GRID1: variants seen among roughly 807,000 people sequenced by gnomAD.
GRID1 encodes glutamate ionotropic receptor delta type subunit 1.
In GRID1, 28 loss-of-function variants were observed where a neutral mutation model predicts 98.0. That is an observed-to-expected ratio of 0.29 (90% confidence interval 0.21 to 0.39). The LOEUF is 0.39. Ranked by LOEUF, GRID1 falls within the 10% of genes least tolerant of loss-of-function variation. The pLI is 1.00. For missense variants in GRID1, 1,111 were observed against 1,340.5 expected (o/e 0.83, Z 2.67); for synonymous variants, 553 against 538.5 (o/e 1.03, Z -0.37).
At chr10:86,125,168 A>G (rs564289387) in intron 4 of GRID1, among the ~76,000 whole-genome samples, 93 of 152,352 alleles carry the variant, frequency 6.1e-4, no homozygotes, top group South Asian at 6.0e-3. Context: ...AGTCGAACAT[A>G]AAAGCACCAT....
chr10:85,672,083 C>T (rs75234747), intron 12 of GRID1, among the ~76,000 whole-genome samples: 5,612 of 152,312 alleles, frequency 0.037, 134 homozygotes, highest in Middle Eastern at 0.048. Context: ...AGCAGCAAGT[C>T]ATCCAGAAGA....
At chr10:85,975,840 T>G (rs1172788083) in intron 4 of GRID1, among the ~76,000 whole-genome samples, 1 of 152,168 alleles carries the variant, frequency 6.6e-6, no homozygotes, top group African/African-American at 2.4e-5. Context: ...AAAAGGACAA[T>G]AGTGGTTTCT....
chr10:85,927,494 G>T (rs941041950), intron 4 of GRID1, among the ~76,000 whole-genome samples: 4 of 141,774 alleles, frequency 2.8e-5, no homozygotes, highest in African/African-American at 1.1e-4. Flanking sequence ...GGTCTTAGAA[G>T]ATGTAAAGTT....
At chr10:86,048,224 C>T (rs548918904) in intron 4 of GRID1, among the ~76,000 whole-genome samples, 4 of 152,256 alleles carry the variant, frequency 2.6e-5, no homozygotes, top group Middle Eastern at 3.4e-3. Flanking sequence ...GCATACGAAG[C>T]AGAGTACCAT....
rs370189299 is a variant in GRID1 at position 85,731,911 on chromosome 10, GAGAA to G, written c.1234-2301_1234-2298del. 6.3e-3 allele frequency among the ~76,000 whole-genome samples: 770 copies of G among 122,308 alleles called. 8 individuals carry two copies. Among genetic ancestry groups the G allele is most frequent in the African/African-American group, 0.025 (642 of 25,510 alleles). The allele number at this position is 122,308 out of a possible 152,430, so 80.2% of individuals were successfully genotyped here. On this transcript the variant is annotated intron_variant, in intron 8 of 15. Coordinates refer to ENST00000327946, the MANE Select transcript of GRID1 (RefSeq NM_017551.3). ...AGGTAGGGAGGGAGGGAGAAAGAAA[GAGAA>G]AGAAAGAAAGAGAGAGAGAGAAGGG...
intron 8 of GRID1, among the ~76,000 whole-genome samples, chr10:85,790,945 A>G (rs1175794341): frequency 1.3e-5 from 2 of 152,140 alleles, no homozygotes; most frequent in African/African-American, 2.4e-5. Context: ...ATTTGGTTCT[A>G]GCCTTCCTGA....
chr10:85,946,001 AAT>A lies in GRID1; in HGVS notation c.727-29764_727-29763del, dbSNP rs113627708. Among the ~76,000 whole-genome samples the A allele has an allele frequency of 2.7e-3, 408 of 152,334 alleles. 2 individuals carry two copies. The highest frequency in any genetic ancestry group is 9.5e-3 in the African/African-American group (395 of 41,582). ...GTTAAAACATTGAAGGGACAGATAA[AAT>A]ATGTTTAATTTTTAGAAGAGTATCT... On this transcript the variant is annotated intron_variant, in intron 4 of 15. Coordinates refer to ENST00000327946, the MANE Select transcript of GRID1 (RefSeq NM_017551.3).
At chr10:85,863,381 C>CGT (rs1174085786) in intron 6 of GRID1, among the ~76,000 whole-genome samples, 1 of 152,196 alleles carries the variant, frequency 6.6e-6, no homozygotes, top group African/African-American at 2.4e-5. Context: ...GTCCCACCTC[C>CGT]TAATACTGTC....
At chr10:85,722,588 C>T (rs17105793) in intron 12 of GRID1, among the ~76,000 whole-genome samples, 9,075 of 151,816 alleles carry the variant, frequency 0.06, 512 homozygotes, top group African/African-American at 0.15. Flanking sequence ...CTTATTGTGG[C>T]AATTGGCATT....
At chr10:86,281,256 G>A (rs1445671221) in intron 2 of GRID1, among the ~76,000 whole-genome samples, 1 of 152,224 alleles carries the variant, frequency 6.6e-6, no homozygotes, top group Non-Finnish European at 1.5e-5. Context: ...AAATGGTGTG[G>A]TGAGGGAAAG....
intron 4 of GRID1, among the ~76,000 whole-genome samples, chr10:86,050,737 C>T (rs1037702405): frequency 1.3e-5 from 2 of 151,894 alleles, no homozygotes; most frequent in African/African-American, 4.8e-5. Flanking sequence ...TTGGGTAGAA[C>T]TCAATATCAT....
chr10:86,124,333 CT>C (rs1024467829), intron 4 of GRID1, among the ~76,000 whole-genome samples: 1 of 152,192 alleles, frequency 6.6e-6, no homozygotes, highest in African/African-American at 2.4e-5. Flanking sequence ...CACTCTCCCC[CT>C]GGCTCACCTG....
intron 2 of GRID1, 47 bp downstream of exon 2, chr10:86,363,893 GC>G: frequency 1.9e-6 from 3 of 1,543,534 alleles, no homozygotes; most frequent in Non-Finnish European, 2.7e-6. Flanking sequence ...CTGCTGCGAC[GC>G]CTCGCAGGCC....
chr10:86,043,915 A>G (rs1440369910), intron 4 of GRID1, among the ~76,000 whole-genome samples: 1 of 152,242 alleles, frequency 6.6e-6, no homozygotes. Context: ...TGATTAATGC[A>G]TGCCAATAGA....
chr10:85,709,439 A>G (rs1379214002), intron 12 of GRID1, among the ~76,000 whole-genome samples: 2 of 152,260 alleles, frequency 1.3e-5, no homozygotes, highest in Admixed American at 6.5e-5. Flanking sequence ...ACTTTGGCCC[A>G]ATTACAAGAC....
intron 13 of GRID1, among the ~76,000 whole-genome samples, chr10:85,626,631 C>T (rs1842915820): frequency 6.6e-6 from 1 of 152,160 alleles, no homozygotes; most frequent in Admixed American, 6.5e-5. Context: ...CTTGCAGCCA[C>T]CATTTATCCT....
chr10:85,618,302 G>A (rs1240857749), intron 14 of GRID1, among the ~76,000 whole-genome samples: 1 of 152,314 alleles, frequency 6.6e-6, no homozygotes, highest in East Asian at 1.9e-4. Context: ...CTGCTGCTGT[G>A]TTGGCCCCAT....
intron 5 of GRID1, among the ~76,000 whole-genome samples, chr10:85,874,130 A>G (rs1250639392): frequency 6.6e-6 from 1 of 152,218 alleles, no homozygotes; most frequent in Non-Finnish European, 1.5e-5. Flanking sequence ...GAATTTCTTT[A>G]GGATATATAT....
intron 12 of GRID1, among the ~76,000 whole-genome samples, chr10:85,682,987 T>C (rs749377175): frequency 6.6e-6 from 1 of 152,246 alleles, no homozygotes; most frequent in Non-Finnish European, 1.5e-5. Context: ...ACATCCTACA[T>C]TTCTACTTTT....
Sources: allele counts gnomAD v4.1 joint callset (sites outside exome capture counted in the v4.1 genomes callset), GRCh38; gene constraint gnomAD v4.1.1; transcripts MANE v1.5; gene names NCBI Gene and HGNC (gene_info 2026-07-23, HGNC 2026-07-21).